Variants in PCSK5 observed in about 807,000 individuals in gnomAD.
PCSK5 encodes proprotein convertase subtilisin/kexin type 5.
Under a neutral mutation model 233.2 loss-of-function variants are expected in PCSK5, and 129 were observed. That is an observed-to-expected ratio of 0.55 (90% CI 0.48 to 0.64). The LOEUF (loss-of-function observed/expected upper bound fraction) is 0.64, where lower values mean the gene tolerates loss of function less well. PCSK5 is among the 30% of genes least tolerant of loss of function. PCSK5 has a pLI of 0.00. For synonymous variants in PCSK5, 825 were observed against 879.2 expected (o/e 0.94, Z 1.09); for missense variants, 2,076 against 2,430.1 (o/e 0.85, Z 3.06).
intron 2 of PCSK5, among the ~76,000 whole-genome samples, chr9:75,950,233 A>G (rs571395782): frequency 6.6e-6 from 1 of 151,582 alleles, no homozygotes; most frequent in African/African-American, 2.4e-5. Context: ...TTTTTTTGAA[A>G]GCAACTGAAT....
At chr9:75,969,202 G>T (rs1442923299) in intron 2 of PCSK5, among the ~76,000 whole-genome samples, 1 of 152,200 alleles carries the variant, frequency 6.6e-6, no homozygotes, top group Non-Finnish European at 1.5e-5. Flanking sequence ...CTGGATGCCA[G>T]TTCTCAGAGC....
chr9:75,985,199 C>CTT (rs1826456112), intron 2 of PCSK5, among the ~76,000 whole-genome samples: 1 of 152,268 alleles, frequency 6.6e-6, no homozygotes, highest in East Asian at 1.9e-4. Flanking sequence ...CTGGAACATG[C>CTT]TTATTTTTGT....
intron 6 of PCSK5, among the ~76,000 whole-genome samples, chr9:76,070,247 G>A (rs146631179): frequency 8.6e-5 from 13 of 151,994 alleles, no homozygotes; most frequent in Non-Finnish European, 1.6e-4. Flanking sequence ...TGATCCACCC[G>A]CCTCGGCCTC....
At chr9:76,213,794 C>T (rs1421460852) in intron 20 of PCSK5, among the ~76,000 whole-genome samples, 2 of 152,090 alleles carry the variant, frequency 1.3e-5, no homozygotes, top group Non-Finnish European at 2.9e-5. Context: ...CTTCAGTCAA[C>T]CCAATCATTT....
intron 24 of PCSK5, among the ~76,000 whole-genome samples, chr9:76,257,030 A>G (rs1385141685): frequency 6.6e-6 from 1 of 152,186 alleles, no homozygotes; most frequent in Admixed American, 6.5e-5. Context: ...GTGAATATCA[A>G]AACAGAATTT....
intron 10 of PCSK5, among the ~76,000 whole-genome samples, chr9:76,136,827 G>A (rs373210869): frequency 2.6e-5 from 4 of 151,984 alleles, no homozygotes; most frequent in Non-Finnish European, 2.9e-5. Context: ...TTCTCATCAC[G>A]TAAAGCAGAA....
At chr9:76,076,362 T>A (rs1443021351) in intron 7 of PCSK5, among the ~76,000 whole-genome samples, 1 of 152,242 alleles carries the variant, frequency 6.6e-6, no homozygotes, top group Middle Eastern at 3.4e-3. Flanking sequence ...CTAAACAGAA[T>A]TGTGGCCTGA....
intron 21 of PCSK5, among the ~76,000 whole-genome samples, chr9:76,230,106 G>A (rs902681165): frequency 6.6e-6 from 1 of 152,174 alleles, no homozygotes; most frequent in African/African-American, 2.4e-5. Flanking sequence ...GGTGTCTGTT[G>A]AAAACTGTGG....
chr9:76,342,524 C>T (rs11999607), intron 35 of PCSK5, among the ~76,000 whole-genome samples: 59,272 of 152,038 alleles, frequency 0.39, 12,131 homozygotes, highest in East Asian at 0.75. Flanking sequence ...GCTGTCTAGC[C>T]ACTGAGCTGA....
At chr9:76,004,280 G>A (rs868477947) in intron 3 of PCSK5, among the ~76,000 whole-genome samples, 1 of 151,974 alleles carries the variant, frequency 6.6e-6, no homozygotes, top group Non-Finnish European at 1.5e-5. Flanking sequence ...AGTAGATGAG[G>A]AGTTAAATAT....
intron 24 of PCSK5, among the ~76,000 whole-genome samples, chr9:76,269,475 T>C (rs1177086769): frequency 6.6e-6 from 1 of 152,184 alleles, no homozygotes; most frequent in Non-Finnish European, 1.5e-5. Context: ...AGATGGATTG[T>C]TGACTTTTGA....
intron 7 of PCSK5, among the ~76,000 whole-genome samples, chr9:76,075,529 G>A (rs1407715819): frequency 1.3e-5 from 2 of 151,778 alleles, no homozygotes; most frequent in African/African-American, 4.8e-5. Flanking sequence ...TCTTTCTTGG[G>A]GCATCAAGTG....
intron 7 of PCSK5, among the ~76,000 whole-genome samples, chr9:76,072,320 C>G (rs1435388872): frequency 1.3e-5 from 2 of 152,114 alleles, no homozygotes; most frequent in Non-Finnish European, 2.9e-5. Flanking sequence ...ACCTCTGTCC[C>G]AGGACAATAT....
intron 5 of PCSK5, among the ~76,000 whole-genome samples, chr9:76,028,398 T>C (rs182674140): frequency 9.9e-5 from 15 of 152,226 alleles, no homozygotes; most frequent in Admixed American, 7.2e-4. Flanking sequence ...CCCAGACATA[T>C]GGAGATCAGA....
rs145090426 is a variant in PCSK5, at chr9:76,299,607, G to T, written c.3524-2530G>T. Among the ~76,000 whole-genome samples the T allele has an allele frequency of 4.6e-3, 695 of 152,288 alleles. 4 individuals carry two copies. The highest frequency in any genetic ancestry group is 7.7e-3 in the South Asian group (37 of 4,822). On this transcript the variant is annotated intron_variant, in intron 27 of 37. Coordinates refer to ENST00000674117, the MANE Select transcript of PCSK5 (RefSeq NM_001372043.1). ...GAATCACTTGAACCCAGGAGGCAGA[G>T]GTTGCAGTGAGCTGAGATTGTGCCA...
rs185857222 is a variant in PCSK5, at chr9:76,036,330, G to T, written c.632+9293G>T. On this transcript the variant is annotated intron_variant, in intron 5 of 37. Transcript: ENST00000674117. Reference sequence around the variant, plus strand: ...AAGGTGAATAACACTGGGTCTGTAGGCTATTTAAATAAAAGTGGAAAGGAA... The same window carrying T: ...AAGGTGAATAACACTGGGTCTGTAGTCTATTTAAATAAAAGTGGAAAGGAA... Among the ~76,000 whole-genome samples, 167 of 152,254 alleles carry T rather than the reference G, an allele frequency of 1.1e-3. 2 individuals are homozygous for T. The highest frequency in any genetic ancestry group is 3.9e-3 in the African/African-American group (164 of 41,560).
At chr9:75,900,702 C>CTTT (rs74398159) in intron 1 of PCSK5, among the ~76,000 whole-genome samples, 8,726 of 134,000 alleles carry the variant, frequency 0.065, 270 homozygotes, top group Middle Eastern at 0.1. Context: ...AAACAAACAA[C>CTTT]TTTTTTTTTT....
chr9:75,900,652 C>T (rs1196508772), intron 1 of PCSK5, among the ~76,000 whole-genome samples: 2 of 146,102 alleles, frequency 1.4e-5, no homozygotes, highest in Non-Finnish European at 3.0e-5. Flanking sequence ...GCACTCCAGC[C>T]TGGGTGACGG....
At chr9:76,221,758 TTG>T (rs1220433341) in intron 20 of PCSK5, among the ~76,000 whole-genome samples, 4 of 152,024 alleles carry the variant, frequency 2.6e-5, no homozygotes, top group Admixed American at 1.3e-4. Flanking sequence ...AACTAAATAT[TTG>T]TGTGTGTGTG....
Sources: allele counts gnomAD v4.1 joint callset (sites outside exome capture counted in the v4.1 genomes callset), GRCh38; gene constraint gnomAD v4.1.1; transcripts MANE v1.5; gene names NCBI Gene and HGNC (gene_info 2026-07-23, HGNC 2026-07-21).